Variants in LARGE1 observed in about 807,000 individuals in gnomAD.
The protein encoded by LARGE1 is xylosyl- and glucuronyltransferase LARGE1.
A neutral mutation model predicts 87.6 loss-of-function variants in LARGE1; 43 were observed. The observed-to-expected ratio is 0.49, with a 90% CI of 0.38 to 0.63. The LOEUF is 0.63. LARGE1 is among the 30% of genes least tolerant of loss of function. The pLI is 0.00. For synonymous variants in LARGE1, 434 were observed against 394.6 expected, an observed-to-expected ratio of 1.10 and a Z score of -1.18; for missense variants, 802 against 1,000.2, an observed-to-expected ratio of 0.80 and a Z score of 2.67.
chr22:33,711,948 A>G (rs551174776), intron 2 of LARGE1, among the ~76,000 whole-genome samples: 39 of 152,324 alleles, frequency 2.6e-4, no homozygotes, highest in African/African-American at 8.7e-4. Context: ...GGCGTGAGCC[A>G]CCGTGCCTGA....
chr22:33,505,073 C>T (rs1054061313), intron 6 of LARGE1, among the ~76,000 whole-genome samples: 9 of 152,182 alleles, frequency 5.9e-5, no homozygotes, highest in South Asian at 2.1e-4. Context: ...AAGTTAAAGC[C>T]GCTCAACACA....
intron 1 of LARGE1, among the ~76,000 whole-genome samples, chr22:33,762,854 T>G (rs534673365): frequency 1.3e-5 from 2 of 152,310 alleles, no homozygotes; most frequent in South Asian, 4.1e-4. Context: ...GGTGTCACGC[T>G]GACTATAGGT....
chr22:33,145,908 T>C, the LARGE1 span, among the ~76,000 whole-genome samples: 4 of 152,144 alleles, frequency 2.6e-5, no homozygotes, highest in Non-Finnish European at 5.9e-5. Flanking sequence ...TTCAACATCC[T>C]GGGTGGCAAA....
rs117939117 is a variant in LARGE1, at chr22:33,198,697, C to T, written c.1731-31865G>A. Among the ~76,000 whole-genome samples the T allele has an allele frequency of 1.7e-3, 257 of 148,904 alleles. 5 individuals are homozygous for T. The East Asian group carries it at 0.03, about 17-fold the overall frequency. On this transcript the variant is annotated intron_variant, in intron 11 of 11. Transcript: ENST00000608642. Reference sequence around the variant, plus strand: ...CACACGTATCTAAAATACTATACTACATGGAATGTGAGATACATGTATATA... The same window carrying T: ...CACACGTATCTAAAATACTATACTATATGGAATGTGAGATACATGTATATA...
At chr22:33,377,446 T>C (rs926849329) in intron 9 of LARGE1, among the ~76,000 whole-genome samples, 2 of 152,232 alleles carry the variant, frequency 1.3e-5, no homozygotes, top group South Asian at 2.1e-4. Flanking sequence ...CCTCCCTGGG[T>C]ATGCACATAG....
chr22:33,904,480 T>G (rs1328879153), intron 1 of LARGE1, among the ~76,000 whole-genome samples: 1 of 152,128 alleles, frequency 6.6e-6, no homozygotes, highest in Non-Finnish European at 1.5e-5. Flanking sequence ...CCAGATGTAC[T>G]GGGAAAAAGA....
At chr22:33,339,987 A>C (rs1938967176) in intron 9 of LARGE1, among the ~76,000 whole-genome samples, 1 of 152,152 alleles carries the variant, frequency 6.6e-6, no homozygotes, top group Admixed American at 6.5e-5. Context: ...ATAGTACTAA[A>C]ATTTATTCTA....
intron 11 of LARGE1, among the ~76,000 whole-genome samples, chr22:33,239,774 T>A (rs1926426673): frequency 6.6e-6 from 1 of 152,008 alleles, no homozygotes; most frequent in Admixed American, 6.6e-5. Flanking sequence ...CCTGACCTTG[T>A]GATCCGCCCA....
chr22:33,524,587 A>G (rs921488738), intron 6 of LARGE1, among the ~76,000 whole-genome samples: 3 of 151,928 alleles, frequency 2.0e-5, no homozygotes, highest in African/African-American at 7.3e-5. Context: ...CTGAAATTAC[A>G]TCTGGTACCA....
chr22:33,287,375 T>G (rs1446553262), intron 12 of LARGE1, among the ~76,000 whole-genome samples: 2 of 152,182 alleles, frequency 1.3e-5, no homozygotes, highest in Non-Finnish European at 2.9e-5. Context: ...AGCACCAGAT[T>G]CCAGAGTGCT....
intron 1 of LARGE1, among the ~76,000 whole-genome samples, chr22:33,894,037 T>G (rs937412709): frequency 6.6e-6 from 1 of 152,004 alleles, no homozygotes; most frequent in Admixed American, 6.5e-5. Context: ...CCTGCAGACC[T>G]GGATGCTCTA....
intron 6 of LARGE1, among the ~76,000 whole-genome samples, chr22:33,556,357 C>T (rs959552190): frequency 6.6e-6 from 1 of 151,936 alleles, no homozygotes; most frequent in Non-Finnish European, 1.5e-5. Flanking sequence ...ACACATAAAA[C>T]ACATTTAATA....
At position 33,630,446 on chromosome 22, in the gene LARGE1, A is replaced by G. The variant is rs566354679; in HGVS notation, c.409-4120T>C. Among the ~76,000 whole-genome samples the G allele has an allele frequency of 7.9e-5, 12 of 152,346 alleles. 1 individual carries two copies. In the South Asian group the frequency reaches 2.5e-3, roughly 32 times the overall value. ...ACAACCTTAGATGGTATAGCCTACA[A>G]CACACATAGGCTATATACTAGAGTC... On this transcript the variant is annotated intron_variant, in intron 3 of 14. Transcript: ENST00000397394.
intron 1 of LARGE1, among the ~76,000 whole-genome samples, chr22:33,793,602 C>A (rs2085889602): frequency 6.6e-6 from 1 of 152,320 alleles, no homozygotes; most frequent in African/African-American, 2.4e-5. Flanking sequence ...CTCAGGAGAA[C>A]AGCTTTTATT....
intron 2 of LARGE1, among the ~76,000 whole-genome samples, chr22:33,683,844 G>A (rs543369565): frequency 3.9e-5 from 6 of 152,218 alleles, no homozygotes; most frequent in Admixed American, 3.3e-4. Context: ...ACTCTCTCTG[G>A]AGCCCTTGAT....
chr22:33,267,109 G>A (rs1348734407), intron 11 of LARGE1, among the ~76,000 whole-genome samples: 5 of 151,514 alleles, frequency 3.3e-5, no homozygotes, highest in Admixed American at 2.6e-4. Context: ...GTGTGGTGGC[G>A]TTCGCCTGTA....
chr22:33,781,668 G>C (rs982096499), intron 1 of LARGE1, among the ~76,000 whole-genome samples: 18 of 152,126 alleles, frequency 1.2e-4, no homozygotes, highest in African/African-American at 3.9e-4. Flanking sequence ...TCTACCCCAG[G>C]GTGACCCATC....
intron 1 of LARGE1, among the ~76,000 whole-genome samples, chr22:33,835,008 C>T (rs2063073623): frequency 1.9e-5 from 1 of 51,650 alleles, no homozygotes; most frequent in East Asian, 5.1e-4. Context: ...AAGTTTGAGG[C>T]CAAAGCTATT....
intron 7 of LARGE1, among the ~76,000 whole-genome samples, chr22:33,428,700 A>T (rs909277064): frequency 1.4e-5 from 2 of 142,690 alleles, no homozygotes; most frequent in Non-Finnish European, 3.1e-5. Context: ...AGGCGGGTGG[A>T]TCATGAGGTC....
Sources: allele counts gnomAD v4.1 joint callset (sites outside exome capture counted in the v4.1 genomes callset), GRCh38; gene constraint gnomAD v4.1.1; transcripts MANE v1.5; gene names NCBI Gene and HGNC (gene_info 2026-07-23, HGNC 2026-07-21).